Variants in SLC24A3 observed in about 807,000 individuals in gnomAD.
SLC24A3 encodes the protein sodium/potassium/calcium exchanger 3.
A neutral mutation model predicts 75.8 loss-of-function variants in SLC24A3; 28 were observed. That is an observed-to-expected ratio of 0.37 (90% CI 0.27 to 0.51). The LOEUF (loss-of-function observed/expected upper bound fraction) is 0.51. Among genes scored for constraint, SLC24A3 ranks in the 20% least tolerant of loss-of-function variants. The pLI is 0.94. For missense variants in SLC24A3, 663 were observed against 847.8 expected, an observed-to-expected ratio of 0.78 and a Z score of 2.71; for synonymous variants, 372 against 334.1, an observed-to-expected ratio of 1.11 and a Z score of -1.24.
intron 9 of SLC24A3, among the ~76,000 whole-genome samples, chr20:19,678,758 C>T (rs1313935095): frequency 1.4e-5 from 2 of 147,798 alleles, no homozygotes; most frequent in Admixed American, 6.7e-5. Flanking sequence ...GGGCGGCTGC[C>T]GGGCGGAGGG....
At chr20:19,674,027 A>G (rs534235117) in intron 9 of SLC24A3, among the ~76,000 whole-genome samples, 1 of 152,286 alleles carries the variant, frequency 6.6e-6, no homozygotes, top group Non-Finnish European at 1.5e-5. Context: ...AAGGTAGTCT[A>G]CTCAATATGG....
At chr20:19,526,872 A>C (rs1269796989) in intron 3 of SLC24A3, among the ~76,000 whole-genome samples, 1 of 152,234 alleles carries the variant, frequency 6.6e-6, no homozygotes, top group African/African-American at 2.4e-5. Flanking sequence ...AATCCATGCC[A>C]GATGCTTTGA....
At chr20:19,261,008 C>T (rs552826812) in intron 1 of SLC24A3, among the ~76,000 whole-genome samples, 2 of 152,320 alleles carry the variant, frequency 1.3e-5, no homozygotes, top group African/African-American at 4.8e-5. Flanking sequence ...GCAATGAAGA[C>T]TTTCTATAGC....
At chr20:19,588,322 T>G (rs966705453) in intron 6 of SLC24A3, among the ~76,000 whole-genome samples, 1 of 152,200 alleles carries the variant, frequency 6.6e-6, no homozygotes, top group African/African-American at 2.4e-5. Context: ...GCACTTTCAT[T>G]TGGCTGGGAG....
intron 15 of SLC24A3, among the ~76,000 whole-genome samples, chr20:19,704,527 TAGAC>T (rs2032906951): frequency 6.6e-6 from 1 of 152,190 alleles, no homozygotes; most frequent in Non-Finnish European, 1.5e-5. Flanking sequence ...TGGGGAAGGA[TAGAC>T]AGTACATACG....
chr20:19,264,683 CACGCCACTGCACTCCA>C (rs1568572717), intron 1 of SLC24A3, among the ~76,000 whole-genome samples: 1 of 149,120 alleles, frequency 6.7e-6, no homozygotes, highest in African/African-American at 2.5e-5. Context: ...GAGCCAAGAT[CACGCCACTGCACTCCA>C]GCCTGGGCGA....
chr20:19,401,512 C>T (rs1986552043), intron 2 of SLC24A3, among the ~76,000 whole-genome samples: 1 of 151,364 alleles, frequency 6.6e-6, no homozygotes, highest in Admixed American at 6.6e-5. Context: ...TACTTTGGCC[C>T]CATTATTGGG....
chr20:19,680,937 C>T lies in SLC24A3; in HGVS notation c.768-921C>T, dbSNP rs531446280. Among the ~76,000 whole-genome samples, 24 of 152,250 alleles carry T rather than the reference C, an allele frequency of 1.6e-4. No individual in the cohort carries two copies. In the South Asian group the frequency reaches 3.5e-3, roughly 22 times the overall value. On this transcript the variant is annotated intron_variant, in intron 9 of 16. Transcript: ENST00000328041. ...CCTAACTGCCATGCCTATGGGAGGC[C>T]GGAGGTCAAACTGGAGGTCCCCAGT...
intron 1 of SLC24A3, among the ~76,000 whole-genome samples, chr20:19,260,251 G>A (rs550642775): frequency 1.3e-5 from 2 of 152,316 alleles, no homozygotes; most frequent in African/African-American, 4.8e-5. Context: ...GGTAGCCTGC[G>A]ACCTTTGGCA....
At chr20:19,572,317 G>C (rs1403144647) in intron 3 of SLC24A3, among the ~76,000 whole-genome samples, 1 of 152,144 alleles carries the variant, frequency 6.6e-6, no homozygotes, top group African/African-American at 2.4e-5. Context: ...CTGAACTCCA[G>C]TCTGGGCAAC....
At chr20:19,600,035 GTGAAGGTCCAGGAGCCAGGT>G (rs2031507838) in intron 6 of SLC24A3, among the ~76,000 whole-genome samples, 1 of 152,186 alleles carries the variant, frequency 6.6e-6, no homozygotes, top group South Asian at 2.1e-4. Context: ...TATGCTACCT[GTGAAGGTCCAGGAGCCAGGT>G]TGAAGGCCCG....
At chr20:19,375,631 T>C (rs995681963) in intron 2 of SLC24A3, among the ~76,000 whole-genome samples, 2 of 152,118 alleles carry the variant, frequency 1.3e-5, no homozygotes, top group African/African-American at 4.8e-5. Context: ...ATGACAGATG[T>C]TGTAAATCTT....
At chr20:19,604,839 C>T (rs887257998) in intron 6 of SLC24A3, among the ~76,000 whole-genome samples, 1 of 152,182 alleles carries the variant, frequency 6.6e-6, no homozygotes, top group African/African-American at 2.4e-5. Flanking sequence ...ACCCCACCTT[C>T]CCTCAGTCTT....
chr20:19,493,977 T>C (rs1988243241), intron 2 of SLC24A3, among the ~76,000 whole-genome samples: 1 of 152,212 alleles, frequency 6.6e-6, no homozygotes, highest in Admixed American at 6.5e-5. Flanking sequence ...TTCCTTGGCC[T>C]AGCTTGCCGC....
At chr20:19,437,705 T>G (rs1987229816) in intron 2 of SLC24A3, among the ~76,000 whole-genome samples, 1 of 152,136 alleles carries the variant, frequency 6.6e-6, no homozygotes, top group Non-Finnish European at 1.5e-5. Flanking sequence ...GCCCTGCAGT[T>G]CTCTATAGCA....
chr20:19,273,935 T>C (rs1448311990), intron 1 of SLC24A3, among the ~76,000 whole-genome samples: 1 of 151,048 alleles, frequency 6.6e-6, no homozygotes, highest in Non-Finnish European at 1.5e-5. Flanking sequence ...TTGAGCCTTT[T>C]CAGTCCCTCC....
At chr20:19,537,645 T>G (rs1185462207) in intron 3 of SLC24A3, among the ~76,000 whole-genome samples, 1 of 151,904 alleles carries the variant, frequency 6.6e-6, no homozygotes, top group Non-Finnish European at 1.5e-5. Flanking sequence ...CAACAATGAT[T>G]GACTGGATTA....
At chr20:19,492,999 A>G (rs1212006358) in intron 2 of SLC24A3, among the ~76,000 whole-genome samples, 1 of 152,184 alleles carries the variant, frequency 6.6e-6, no homozygotes, top group South Asian at 2.1e-4. Context: ...ATAATGTTTT[A>G]TATGTCTCAC....
At chr20:19,238,118 T>G (rs985926008) in intron 1 of SLC24A3, among the ~76,000 whole-genome samples, 1 of 152,122 alleles carries the variant, frequency 6.6e-6, no homozygotes, top group South Asian at 2.1e-4. Flanking sequence ...AGCCGCCAAA[T>G]TAAGAAACAG....
Sources: gnomAD v4.1 joint callset for allele counts (sites outside exome capture counted in the v4.1 genomes callset) on GRCh38, gnomAD v4.1.1 for gene constraint, MANE v1.5 for transcripts, NCBI Gene and HGNC (gene_info 2026-07-23, HGNC 2026-07-21) for gene names.